The following PPP3CB variants were observed in gnomAD, a reference collection of about 807,000 sequenced individuals.
PPP3CB encodes protein phosphatase 3 catalytic subunit beta.
Under a neutral mutation model 66.4 loss-of-function variants are expected in PPP3CB, and 8 were observed. That is an observed-to-expected ratio of 0.12 (90% CI 0.07 to 0.22). The LOEUF (loss-of-function observed/expected upper bound fraction) is 0.22, where lower values mean the gene tolerates loss of function less well. Ranked by LOEUF, PPP3CB falls within the 10% of genes least tolerant of loss-of-function variation. The pLI is 1.00. For missense variants in PPP3CB, 319 were observed against 642.5 expected (o/e 0.50, Z 5.44); for synonymous variants, 208 against 221.2 (o/e 0.94, Z 0.53).
Position 73,440,391 on chromosome 10 carries a change from T to C in PPP3CB, c.1367-490A>G, listed in dbSNP as rs545680379. 2.0e-5 allele frequency among the ~76,000 whole-genome samples: 3 copies of C among 152,320 alleles called. No individual in the cohort carries two copies. In the East Asian group the frequency reaches 5.8e-4, roughly 29 times the overall value. On this transcript the variant is annotated intron_variant, in intron 12 of 13. Coordinates refer to ENST00000360663, the MANE Select transcript of PPP3CB (RefSeq NM_021132.4). ...CCAGTTGGTTCCCTAAGACATAAAC[T>C]AGAAGGGGTCAGCAATGCTTTACCT... is the stretch of plus-strand genomic sequence containing the variant.
At chr10:73,470,826 G>T (rs775005371) in intron 7 of PPP3CB, 45 bp from the exon 8 acceptor site, 1 of 1,583,426 alleles carries the variant, frequency 6.3e-7, no homozygotes, top group African/African-American at 1.4e-5. Context: ...CATCAATCAT[G>T]GTTACTAAGT....
At chr10:73,465,543 C>T (rs1564558585) in intron 9 of PPP3CB, among the ~76,000 whole-genome samples, 1 of 152,060 alleles carries the variant, frequency 6.6e-6, no homozygotes, top group Non-Finnish European at 1.5e-5. Flanking sequence ...GTCTGTGTGA[C>T]AGAGCGAGAC....
chr10:73,477,240 G>C, intron 3 of PPP3CB: 1 of 515,728 alleles, frequency 1.9e-6, no homozygotes. Context: ...TGCAACACAG[G>C]TATCTATTGG....
chr10:73,457,778 G>C (rs2056453861), intron 9 of PPP3CB, among the ~76,000 whole-genome samples: 1 of 151,502 alleles, frequency 6.6e-6, no homozygotes, highest in Non-Finnish European at 1.5e-5. Context: ...AGTGAAAGTG[G>C]AATGGGAGAA....
intron 10 of PPP3CB, among the ~76,000 whole-genome samples, chr10:73,451,742 C>CTT (rs765483729): frequency 1.5e-3 from 190 of 124,516 alleles, no homozygotes; most frequent in Non-Finnish European, 1.9e-3. Context: ...TCACTCATCT[C>CTT]TTTTTTTTTT....
At position 73,472,274 on chromosome 10, in the gene PPP3CB, C is replaced by T. The variant is rs1476183628; in HGVS notation, c.524-661G>A. On this transcript the variant is annotated intron_variant, in intron 4 of 13. Transcript: ENST00000360663. Reference sequence around the variant, plus strand: ...CTTTGACAGGCCAAAGCAGGCAGATCGCTTGAGGCCAGGAGTTTGAGACCA... The same window carrying T: ...CTTTGACAGGCCAAAGCAGGCAGATTGCTTGAGGCCAGGAGTTTGAGACCA... Among the ~76,000 whole-genome samples, 8 of 152,116 alleles carry T rather than the reference C, an allele frequency of 5.3e-5. No individual in the cohort carries two copies. In the South Asian group the frequency reaches 8.3e-4, roughly 16 times the overall value.
chr10:73,479,664 A>G, intron 1 of PPP3CB, 147 bp from the exon 2 acceptor site: 1 of 709,516 alleles, frequency 1.4e-6, no homozygotes, highest in Non-Finnish European at 2.2e-6. Context: ...TTTTCTAAAT[A>G]GTAAGCAAAT....
chr10:73,453,683 C>A (rs76900864), intron 10 of PPP3CB, among the ~76,000 whole-genome samples: 7,092 of 152,092 alleles, frequency 0.047, 506 homozygotes, highest in African/African-American at 0.15. Context: ...AAGTATACTA[C>A]AACAAAGATA....
In PPP3CB at chr10:73,440,037, A is replaced by G. The variant is rs1036811833; in HGVS notation, c.1367-136T>C. 3.3e-6 allele frequency: 3 copies of G among 899,958 alleles called. No individual in the cohort carries two copies. The Admixed American group carries it at 6.8e-5, about 20-fold the overall frequency. 55.7% of individuals were successfully genotyped at this position (899,958 alleles called of 1,614,324 possible). A position where few individuals can be genotyped will look rare whatever the true frequency, so the allele number is the denominator to read the frequency against. On this transcript the variant is annotated intron_variant, in intron 12 of 13. Coordinates refer to ENST00000360663, the MANE Select transcript of PPP3CB (RefSeq NM_021132.4). ...CATCATCATTTAAAATTTAACATAAATAGTACCCAAATTAGAGAGCCCCAT... is the reference window on the plus strand; with the variant it reads ...CATCATCATTTAAAATTTAACATAAGTAGTACCCAAATTAGAGAGCCCCAT...
At chr10:73,486,625 A>G (rs969306909) in intron 1 of PPP3CB, among the ~76,000 whole-genome samples, 3 of 152,080 alleles carry the variant, frequency 2.0e-5, no homozygotes, top group African/African-American at 7.2e-5. Context: ...TTAGCTCTAC[A>G]CAGAATACTG....
chr10:73,476,759 G>T (rs1417838041), intron 3 of PPP3CB, among the ~76,000 whole-genome samples: 1 of 151,574 alleles, frequency 6.6e-6, no homozygotes, highest in Non-Finnish European at 1.5e-5. Flanking sequence ...TGTTAAAATG[G>T]GCCATTTTCT....
At chr10:73,458,389 G>A (rs1004724212) in intron 9 of PPP3CB, among the ~76,000 whole-genome samples, 6 of 151,740 alleles carry the variant, frequency 4.0e-5, no homozygotes, top group South Asian at 4.2e-4. Flanking sequence ...CACCCGCCCC[G>A]GCCTCCCAAA....
chr10:73,478,142 G>C (rs2056820864), intron 3 of PPP3CB, among the ~76,000 whole-genome samples: 1 of 152,130 alleles, frequency 6.6e-6, no homozygotes, highest in Non-Finnish European at 1.5e-5. Context: ...TATTTAATCA[G>C]ACAGAATTCA....
intron 1 of PPP3CB, among the ~76,000 whole-genome samples, chr10:73,494,763 A>G (rs1349012408): frequency 3.3e-5 from 5 of 152,222 alleles, no homozygotes; most frequent in Non-Finnish European, 5.9e-5. Context: ...AGTGTATTTG[A>G]GAAGCTGAAT....
At chr10:73,479,827 T>G (rs545446427) in intron 1 of PPP3CB, among the ~76,000 whole-genome samples, 6 of 152,332 alleles carry the variant, frequency 3.9e-5, no homozygotes, top group African/African-American at 1.2e-4. Context: ...AAATATTGTA[T>G]TATAGTATTA....
intron 10 of PPP3CB, among the ~76,000 whole-genome samples, chr10:73,448,929 G>A (rs2056303710): frequency 6.6e-6 from 1 of 152,112 alleles, no homozygotes; most frequent in South Asian, 2.1e-4. Context: ...ACATGTGCAT[G>A]GAAGAAATTA....
chr10:73,471,539 A>G lies in PPP3CB; in HGVS notation c.598T>C (p.Leu200=), dbSNP rs1258996417. 2 of 1,612,922 alleles carry G rather than the reference A, an allele frequency of 1.2e-6. No homozygotes were observed. Among genetic ancestry groups the G allele is most frequent in the Non-Finnish European group, 1.7e-6 (2 of 1,179,142 alleles). Residue 200 remains leucine, a synonymous_variant, in exon 5 of 14, where the codon TTA becomes CTA. Coordinates refer to ENST00000360663, the MANE Select transcript of PPP3CB (RefSeq NM_021132.4). ...TGAACACAAAGAAACTGTTGGTTTA[A>G]AAGTGCAGCAAGAGGCAAACTATCA... ...AFDSLPLAAL[L]NQQFLCVHGG... is the part of the protein sequence containing the mutation.
intron 9 of PPP3CB, among the ~76,000 whole-genome samples, chr10:73,456,661 C>T (rs2056432350): frequency 6.6e-6 from 1 of 152,100 alleles, no homozygotes. Context: ...AAACTGCACT[C>T]CCCCTACTGC....
chr10:73,489,873 T>A (rs550433403), intron 1 of PPP3CB, among the ~76,000 whole-genome samples: 1 of 152,306 alleles, frequency 6.6e-6, no homozygotes, highest in African/African-American at 2.4e-5. Context: ...AGCCCCACTT[T>A]CTGGTGAAAT....
Sources: allele counts gnomAD v4.1 joint callset (sites outside exome capture counted in the v4.1 genomes callset), GRCh38; gene constraint gnomAD v4.1.1; transcripts MANE v1.5; gene names NCBI Gene and HGNC (gene_info 2026-07-23, HGNC 2026-07-21).